The following SRGAP3 variants were observed in gnomAD, a reference collection of about 807,000 sequenced individuals.
SRGAP3 encodes the protein SLIT-ROBO Rho GTPase-activating protein 3.
A neutral mutation model predicts 121.1 loss-of-function variants in SRGAP3; 39 were observed. That is an observed-to-expected ratio of 0.32 (90% CI 0.25 to 0.42). The LOEUF (loss-of-function observed/expected upper bound fraction) is 0.42, where lower values mean the gene tolerates loss of function less well. SRGAP3 is among the 10% of genes least tolerant of loss of function. SRGAP3 has a pLI of 1.00. For synonymous variants in SRGAP3, 601 were observed against 570.0 expected (o/e 1.05, Z -0.77); for missense variants, 1,213 against 1,470.6 (o/e 0.82, Z 2.86).
At chr3:9,298,438 C>A (rs986890083) in intron 3 of SRGAP3, among the ~76,000 whole-genome samples, 2 of 152,208 alleles carry the variant, frequency 1.3e-5, no homozygotes, top group African/African-American at 4.8e-5. Flanking sequence ...AAACACCCTA[C>A]ATAATGCTGC....
chr3:9,013,899 A>C (rs902180631), intron 15 of SRGAP3, 57 bp from the exon 16 acceptor site: 63 of 1,538,042 alleles, frequency 4.1e-5, no homozygotes, highest in Non-Finnish European at 5.5e-5. Flanking sequence ...CAAAGCAACA[A>C]ACATTCGCTC....
intron 6 of SRGAP3, chr3:9,058,714 CTTTTTTTT>C (rs71049768): frequency 4.1e-4 from 88 of 213,684 alleles, no homozygotes; most frequent in Non-Finnish European, 5.9e-4. Context: ...TTCTCTCTCT[CTTTTTTTT>C]TTTTTTTTTT....
At chr3:9,327,351 C>A (rs1030088397) in intron 2 of SRGAP3, among the ~76,000 whole-genome samples, 2 of 151,948 alleles carry the variant, frequency 1.3e-5, no homozygotes, top group African/African-American at 4.8e-5. Flanking sequence ...TTCTATAAAC[C>A]TTCCGTAACT....
intron 1 of SRGAP3, among the ~76,000 whole-genome samples, chr3:9,347,212 C>A (rs1283699852): frequency 6.6e-6 from 1 of 152,150 alleles, no homozygotes; most frequent in East Asian, 1.9e-4. Context: ...GCTGCCCAGG[C>A]AGGAGTGCAG....
chr3:9,124,452 T>C (rs189889124), intron 2 of SRGAP3, among the ~76,000 whole-genome samples: 5 of 152,320 alleles, frequency 3.3e-5, no homozygotes, highest in Admixed American at 2.0e-4. Context: ...ACAGCAACAA[T>C]TGATTGAGCA....
At chr3:9,210,991 A>C (rs1952428041) in intron 1 of SRGAP3, among the ~76,000 whole-genome samples, 1 of 152,236 alleles carries the variant, frequency 6.6e-6, no homozygotes, top group Non-Finnish European at 1.5e-5. Context: ...GGAGGATTAT[A>C]TAACAAACAA....
chr3:9,020,029 C>G (rs1574919933), intron 14 of SRGAP3, among the ~76,000 whole-genome samples: 1 of 152,240 alleles, frequency 6.6e-6, no homozygotes, highest in African/African-American at 2.4e-5. Flanking sequence ...TCTCCTAACC[C>G]TTACAACAGC....
chr3:9,034,703 T>C (rs1362255183), intron 11 of SRGAP3: 1 of 152,244 alleles, frequency 6.6e-6, no homozygotes, highest in Non-Finnish European at 1.5e-5. Context: ...GCTAAGTCCA[T>C]GTCATTTATT....
intron 14 of SRGAP3, among the ~76,000 whole-genome samples, chr3:9,021,578 A>G (rs1432015621): frequency 6.6e-6 from 1 of 152,226 alleles, no homozygotes; most frequent in Non-Finnish European, 1.5e-5. Flanking sequence ...ATTTAGGAAT[A>G]ATAAGCCAGG....
intron 1 of SRGAP3, among the ~76,000 whole-genome samples, chr3:9,174,124 G>A (rs1179994726): frequency 1.3e-5 from 2 of 152,328 alleles, no homozygotes; most frequent in Non-Finnish European, 1.5e-5. Context: ...AGGACAAATC[G>A]TGTAAGAATC....
chr3:9,031,887 C>T (rs920445926), intron 12 of SRGAP3, among the ~76,000 whole-genome samples: 2 of 152,206 alleles, frequency 1.3e-5, no homozygotes, highest in African/African-American at 4.8e-5. Context: ...GAGTGCTTCT[C>T]CCCTTCCTCA....
chr3:9,129,468 CAAA>C (rs750384100), intron 1 of SRGAP3, among the ~76,000 whole-genome samples: 9 of 68,990 alleles, frequency 1.3e-4, no homozygotes, highest in Admixed American at 1.7e-4. Context: ...GGTAGGTAAG[CAAA>C]AAAAAAAAAA....
intron 1 of SRGAP3, among the ~76,000 whole-genome samples, chr3:9,139,780 G>A (rs757454305): frequency 1.3e-5 from 2 of 152,202 alleles, no homozygotes; most frequent in Non-Finnish European, 2.9e-5. Flanking sequence ...GAAGAATATA[G>A]AGTATCGTCT....
intron 1 of SRGAP3, among the ~76,000 whole-genome samples, chr3:9,242,733 G>A (rs1026611230): frequency 5.9e-5 from 9 of 152,180 alleles, no homozygotes; most frequent in East Asian, 1.9e-4. Flanking sequence ...CACCCAAGCC[G>A]GAGTACAGTG....
intron 3 of SRGAP3, among the ~76,000 whole-genome samples, chr3:9,267,253 C>T (rs187918625): frequency 4.5e-4 from 69 of 152,256 alleles, no homozygotes; most frequent in Non-Finnish European, 7.9e-4. Context: ...CTCCCAAGGC[C>T]TCTGGAAAAC....
At chr3:9,049,470 C>T (rs1206041750) in intron 9 of SRGAP3, 1 of 456,108 alleles carries the variant, frequency 2.2e-6, no homozygotes, top group Admixed American at 2.3e-5. Flanking sequence ...CAGGCCCCTT[C>T]TACCCAGAAG....
intron 1 of SRGAP3, among the ~76,000 whole-genome samples, chr3:9,183,902 G>A (rs1345253086): frequency 6.6e-6 from 1 of 151,692 alleles, no homozygotes; most frequent in African/African-American, 2.4e-5. Flanking sequence ...TCAATCCTCT[G>A]CGGCTTGCCT....
At chr3:9,071,904 C>T (rs540581481) in intron 4 of SRGAP3, among the ~76,000 whole-genome samples, 1 of 152,212 alleles carries the variant, frequency 6.6e-6, no homozygotes, top group Middle Eastern at 3.4e-3. Flanking sequence ...GGGTCTCTGG[C>T]CTCACAGAGT....
At chr3:9,019,887 C>T (rs1943827528) in intron 14 of SRGAP3, among the ~76,000 whole-genome samples, 1 of 152,246 alleles carries the variant, frequency 6.6e-6, no homozygotes, top group African/African-American at 2.4e-5. Flanking sequence ...AATGTTCCCA[C>T]TGGAGGACGT....
Sources: gnomAD v4.1 joint callset for allele counts (sites outside exome capture counted in the v4.1 genomes callset) on GRCh38, gnomAD v4.1.1 for gene constraint, MANE v1.5 for transcripts, NCBI Gene and HGNC (gene_info 2026-07-23, HGNC 2026-07-21) for gene names.